The following UPF2 variants were observed in gnomAD, a reference collection of about 807,000 sequenced individuals.
UPF2 encodes the protein regulator of nonsense transcripts 2.
UPF2 carries 17 observed loss-of-function variants against 141.4 expected under a neutral mutation model. That is an observed-to-expected ratio of 0.12 (90% CI 0.08 to 0.18). The LOEUF (loss-of-function observed/expected upper bound fraction) is 0.18, where lower values mean the gene tolerates loss of function less well. Ranked by LOEUF, UPF2 falls within the 10% of genes least tolerant of loss-of-function variation. The pLI is 1.00. For synonymous variants in UPF2, 540 were observed against 498.0 expected (o/e 1.08, Z -1.12); for missense variants, 1,152 against 1,515.9 (o/e 0.76, Z 3.99).
intron 3 of UPF2, among the ~76,000 whole-genome samples, chr10:12,024,302 A>C (rs1401928362): frequency 1.3e-5 from 2 of 151,960 alleles, no homozygotes; most frequent in Non-Finnish European, 2.9e-5. Flanking sequence ...TATGTTTACA[A>C]AAATTCTTTT....
intron 1 of UPF2, among the ~76,000 whole-genome samples, chr10:12,038,000 T>C (rs1176825652): frequency 2.6e-5 from 4 of 152,152 alleles, no homozygotes; most frequent in Admixed American, 2.6e-4. Context: ...TCTATGCATT[T>C]ATTTTGACAG....
intron 12 of UPF2, among the ~76,000 whole-genome samples, chr10:11,957,784 T>C (rs1359638737): frequency 2.0e-5 from 3 of 152,162 alleles, no homozygotes; most frequent in Non-Finnish European, 4.4e-5. Flanking sequence ...TCCCAAAGTG[T>C]TGGCTCATAG....
intron 8 of UPF2, among the ~76,000 whole-genome samples, chr10:11,993,068 T>C (rs1245378659): frequency 6.8e-6 from 1 of 146,356 alleles, no homozygotes. Flanking sequence ...GAGAATCGCT[T>C]GGACCCAGGA....
intron 8 of UPF2, among the ~76,000 whole-genome samples, chr10:11,986,339 T>G (rs866549288): frequency 5.3e-5 from 8 of 152,286 alleles, no homozygotes; most frequent in South Asian, 4.1e-4. Context: ...ATCACACATT[T>G]AAGTATCCTA....
intron 3 of UPF2, among the ~76,000 whole-genome samples, chr10:12,027,667 C>T (rs966774283): frequency 2.0e-5 from 3 of 152,138 alleles, no homozygotes; most frequent in African/African-American, 4.8e-5. Context: ...ACACCTTTGC[C>T]GTCTTAAATT....
At chr10:12,039,866 T>C (rs1465353994) in intron 1 of UPF2, among the ~76,000 whole-genome samples, 1 of 152,124 alleles carries the variant, frequency 6.6e-6, no homozygotes, top group Non-Finnish European at 1.5e-5. Flanking sequence ...GTGATCTGCC[T>C]GCCTTGGCCT....
rs1833957828 is a variant in UPF2 at position 12,001,829 on chromosome 10, T to TTGAAAAACAAACAAGTATACC, written c.1505-25_1505-5dup. 6.3e-7 allele frequency: 1 copy of TTGAAAAACAAACAAGTATACC among 1,582,554 alleles called. No homozygotes were observed. Among genetic ancestry groups the TTGAAAAACAAACAAGTATACC allele is most frequent in the East Asian group, 2.3e-5 (1 of 43,900 alleles). On this transcript the variant is annotated splice_region_variant and splice_polypyrimidine_tract_variant and intron_variant, in intron 5 of 21. Transcript: ENST00000357604. ...TTCTCCTTAGATTCTTTTGCCTCTG[T>TTGAAAAACAAACAAGTATACC]TGAAAAACAAACAAGTATACCTAAA...
chr10:11,922,200 G>A (rs1832654009), intron 21 of UPF2, among the ~76,000 whole-genome samples: 1 of 152,162 alleles, frequency 6.6e-6, no homozygotes, highest in South Asian at 2.1e-4. Flanking sequence ...CTGACTCCCT[G>A]ACCTCAGGTT....
Position 11,959,883 on chromosome 10 carries a change from C to T in UPF2, c.2185-527G>A, listed in dbSNP as rs2131194990. ...ACTTATCATTTTTAGAACATACTAG[C>T]CCGTGCCTACTTAGCCTTACGTTTC... On this transcript the variant is annotated intron_variant, in intron 11 of 21. Transcript: ENST00000357604. The surrounding 1 kb of genome is among the most constrained non-coding windows in gnomAD (Gnocchi z 5.9). Among the ~76,000 whole-genome samples the T allele has an allele frequency of 6.6e-6, 1 of 152,320 alleles. No individual in the cohort carries two copies. The highest frequency in any genetic ancestry group is 6.5e-5 in the Admixed American group (1 of 15,306).
At chr10:11,961,089 CAAA>C (rs59208108) in intron 11 of UPF2, among the ~76,000 whole-genome samples, 12 of 86,204 alleles carry the variant, frequency 1.4e-4, no homozygotes, top group African/African-American at 2.2e-4. Context: ...GACCCTGTCT[CAAA>C]AAAAAAAAAA....
intron 4 of UPF2, among the ~76,000 whole-genome samples, chr10:12,005,735 C>A (rs57280404): frequency 0.071 from 10,726 of 151,888 alleles, 397 homozygotes; most frequent in Non-Finnish European, 0.08. Context: ...CACTTGGCTA[C>A]TTTTTTGTTA....
In UPF2 at chr10:11,955,375, G is replaced by A; in HGVS notation, c.2707C>T (p.Pro903Ser). 1 of 1,614,172 alleles carries A rather than the reference G, an allele frequency of 6.2e-7. No individual in the cohort carries two copies. The highest frequency in any genetic ancestry group is 2.2e-5 in the East Asian group (1 of 44,872). ...TCCAGGGAACTTGGAGAGCCATCAG[G>A]ATTAACACCAAATGAGGTAAAAGAA... ...LYSFTSFGVN[P>S]DGSPSSLDPP... Residue 903 changes from proline to serine, a missense_variant, in exon 14 of 22, where the codon CCT (proline) becomes TCT (serine). Transcript: ENST00000357604.
In UPF2 at chr10:11,950,543, T is replaced by C. The variant is rs561902623; in HGVS notation, c.3034+1523A>G. On this transcript the variant is annotated intron_variant, in intron 15 of 21. Transcript: ENST00000357604. The stretch of plus-strand genomic sequence containing the variant: ...GTCCTCACAAGAAGCCTGCAGTCCT[T>C]TAATTTAGCCTTTTGATCTACAAAG... Among the ~76,000 whole-genome samples, 3 of 152,274 alleles carry C rather than the reference T, an allele frequency of 2.0e-5. No homozygotes were observed. The South Asian group carries it at 6.2e-4, about 32-fold the overall frequency.
chr10:11,924,432 G>A (rs1026902198), intron 21 of UPF2, among the ~76,000 whole-genome samples: 29 of 152,118 alleles, frequency 1.9e-4, no homozygotes, highest in African/African-American at 7.0e-4. Context: ...ACAAAAATTA[G>A]TCAAGAGTGG....
At chr10:11,965,179 T>C (rs976529964) in intron 10 of UPF2, among the ~76,000 whole-genome samples, 1 of 152,246 alleles carries the variant, frequency 6.6e-6, no homozygotes, top group African/African-American at 2.4e-5. Context: ...ATATTTATGA[T>C]TATTTCCTTA....
At chr10:12,027,313 G>A (rs564296148) in intron 3 of UPF2, among the ~76,000 whole-genome samples, 1 of 152,304 alleles carries the variant, frequency 6.6e-6, no homozygotes, top group East Asian at 1.9e-4. Flanking sequence ...CACTCTCCAA[G>A]ATTCTGAGTC....
chr10:11,965,555 G>T (rs1212246859), intron 10 of UPF2, among the ~76,000 whole-genome samples: 2 of 152,114 alleles, frequency 1.3e-5, no homozygotes, highest in Non-Finnish European at 2.9e-5. Context: ...CACCTCTCAG[G>T]TTCATGCCAT....
rs2131186006 is a variant in UPF2 at position 11,953,671 on chromosome 10, GC to G, written c.2851-1423del. On this transcript the variant is annotated intron_variant, in intron 14 of 21. Coordinates refer to ENST00000357604, the MANE Select transcript of UPF2 (RefSeq NM_015542.4). The surrounding 1 kb of genome is among the most constrained non-coding windows in gnomAD (Gnocchi z 5.0). ...TGGATGCTGTTATAGCTGCCATTTTGCAGCAAAACTCTGGCTTTTAATACAG... is the reference window on the plus strand; with the variant it reads ...TGGATGCTGTTATAGCTGCCATTTTGAGCAAAACTCTGGCTTTTAATACAG... 6.6e-6 allele frequency among the ~76,000 whole-genome samples: 1 copy of G among 152,286 alleles called. No individual in the cohort carries two copies. The highest frequency in any genetic ancestry group is 2.1e-4 in the South Asian group (1 of 4,830).
At position 12,019,265 on chromosome 10, in the gene UPF2, C is replaced by T. The variant is rs1362077185; in HGVS notation, c.1146-5081G>A. ...CTCTGCTAACATAACACAAAAGCTG[C>T]CACAGACAATATGTAAACAAATGAG... is the stretch of plus-strand genomic sequence containing the variant. On this transcript the variant is annotated intron_variant, in intron 3 of 21. Transcript: ENST00000357604. The surrounding 1 kb of genome is among the most constrained non-coding windows in gnomAD (Gnocchi z 4.5). Among the ~76,000 whole-genome samples the T allele has an allele frequency of 6.6e-6, 1 of 152,174 alleles. No individual in the cohort carries two copies. Among genetic ancestry groups the T allele is most frequent in the Non-Finnish European group, 1.5e-5 (1 of 68,036 alleles).
Sources: gnomAD v4.1 joint callset for allele counts (sites outside exome capture counted in the v4.1 genomes callset) on GRCh38, gnomAD v4.1.1 for gene constraint, Gnocchi (gnomAD v3.1) non-coding constraint, MANE v1.5 for transcripts, NCBI Gene and HGNC (gene_info 2026-07-23, HGNC 2026-07-21) for gene names.